CHCHD6: variants seen among roughly 807,000 people sequenced by gnomAD.
CHCHD6 encodes the protein coiled-coil-helix-coiled-coil-helix domain containing 6, also known as MICOS complex subunit MIC25.
Under a neutral mutation model 32.3 loss-of-function variants are expected in CHCHD6, and 28 were observed. That is an observed-to-expected ratio of 0.87 (90% CI 0.64 to 1.19). CHCHD6 has a LOEUF of 1.19. CHCHD6 is among the 50% of genes most tolerant of loss of function. The pLI is 0.00. For missense variants in CHCHD6, 333 were observed against 307.0 expected (o/e 1.08, Z -0.63); for synonymous variants, 122 against 117.5 (o/e 1.04, Z -0.25).
intron 4 of CHCHD6, among the ~76,000 whole-genome samples, chr3:126,733,511 C>T (rs1040945956): frequency 1.1e-4 from 16 of 152,216 alleles, no homozygotes; most frequent in African/African-American, 3.9e-4. Context: ...TCTCACTTAG[C>T]TCTGAAACTT....
In CHCHD6 at chr3:126,721,654, C is replaced by G. The variant is rs140014180; in HGVS notation, c.88-5424C>G. Reference sequence around the variant, plus strand: ...GATTTAATAGTTTTTAGTGTATTCACAGGTATGTGTGACCATTGCCACAAT... The same window carrying G: ...GATTTAATAGTTTTTAGTGTATTCAGAGGTATGTGTGACCATTGCCACAAT... On this transcript the variant is annotated intron_variant, in intron 1 of 7. Coordinates refer to ENST00000290913, the MANE Select transcript of CHCHD6 (RefSeq NM_032343.3). Among the ~76,000 whole-genome samples, 54 of 152,260 alleles carry G rather than the reference C, an allele frequency of 3.5e-4. No individual in the cohort carries two copies. In the East Asian group the frequency reaches 0.01, roughly 29 times the overall value.
chr3:126,733,598 A>G (rs1479348384), intron 4 of CHCHD6, among the ~76,000 whole-genome samples: 1 of 152,018 alleles, frequency 6.6e-6, no homozygotes, highest in Non-Finnish European at 1.5e-5. Context: ...GAGCCATGTA[A>G]TATATGACAG....
Position 126,787,260 on chromosome 3 carries a change from A to C in CHCHD6, c.411+54038A>C, listed in dbSNP as rs1436949415. 1.3e-5 allele frequency among the ~76,000 whole-genome samples: 2 copies of C among 152,222 alleles called. 1 individual carries two copies. Among genetic ancestry groups the C allele is most frequent in the South Asian group, 4.1e-4 (2 of 4,832 alleles). On this transcript the variant is annotated intron_variant, in intron 4 of 7. Transcript: ENST00000290913. ...GTATAGTTTGAAGTCAGGTAGCATG[A>C]TGCCTCCAGCTTTGTTCTTTTGGCT... is the stretch of plus-strand genomic sequence containing the variant.
intron 6 of CHCHD6, among the ~76,000 whole-genome samples, chr3:126,928,176 G>C (rs1007628523): frequency 6.6e-6 from 1 of 152,268 alleles, no homozygotes; most frequent in African/African-American, 2.4e-5. Flanking sequence ...GCAGAGGCTG[G>C]TGAGACCCAT....
chr3:126,776,071 T>C (rs543628837), intron 4 of CHCHD6, among the ~76,000 whole-genome samples: 3 of 152,188 alleles, frequency 2.0e-5, no homozygotes, highest in Non-Finnish European at 4.4e-5. Flanking sequence ...TACCATTCCC[T>C]TAGTAGGTGT....
At chr3:126,897,646 C>T (rs1277986727) in intron 5 of CHCHD6, among the ~76,000 whole-genome samples, 2 of 152,216 alleles carry the variant, frequency 1.3e-5, no homozygotes, top group Non-Finnish European at 2.9e-5. Context: ...CCTGTTTTCT[C>T]AGCTATAAAA....
chr3:126,937,699 C>A (rs1052449931), intron 6 of CHCHD6, among the ~76,000 whole-genome samples: 1 of 152,216 alleles, frequency 6.6e-6, no homozygotes, highest in Non-Finnish European at 1.5e-5. Flanking sequence ...AGTGGTCCCT[C>A]ATCAGAGCCT....
At chr3:126,786,246 G>C (rs1559842694) in intron 4 of CHCHD6, among the ~76,000 whole-genome samples, 1 of 152,170 alleles carries the variant, frequency 6.6e-6, no homozygotes, top group East Asian at 1.9e-4. Flanking sequence ...ATTTGAGTTG[G>C]TTCCAAGTCT....
chr3:126,881,674 G>A (rs998455232), intron 5 of CHCHD6, among the ~76,000 whole-genome samples: 1 of 152,196 alleles, frequency 6.6e-6, no homozygotes, highest in Admixed American at 6.5e-5. Context: ...CTTCTCGAAG[G>A]AGTCGGCTGG....
intron 1 of CHCHD6, among the ~76,000 whole-genome samples, chr3:126,723,834 A>G (rs1331240421): frequency 6.6e-6 from 1 of 152,086 alleles, no homozygotes; most frequent in Non-Finnish European, 1.5e-5. Context: ...GTTGCTGATC[A>G]TGTCTTTTGT....
At chr3:126,921,917 A>G (rs2078254940) in intron 6 of CHCHD6, among the ~76,000 whole-genome samples, 2 of 152,194 alleles carry the variant, frequency 1.3e-5, no homozygotes, top group South Asian at 4.2e-4. Context: ...CATTTATTTA[A>G]ACCCCAAAGA....
chr3:126,933,696 A>G (rs2107599667), intron 6 of CHCHD6, among the ~76,000 whole-genome samples: 1 of 152,320 alleles, frequency 6.6e-6, no homozygotes, highest in South Asian at 2.1e-4. Context: ...GACACCTCCC[A>G]CCAGACCCAC....
chr3:126,723,591 G>A (rs1044121861), intron 1 of CHCHD6, among the ~76,000 whole-genome samples: 3 of 152,144 alleles, frequency 2.0e-5, no homozygotes, highest in African/African-American at 7.2e-5. Flanking sequence ...TATATCTCAT[G>A]TGTTTTCCGT....
At chr3:126,733,973 G>A (rs1381537034) in intron 4 of CHCHD6, among the ~76,000 whole-genome samples, 2 of 152,130 alleles carry the variant, frequency 1.3e-5, no homozygotes, top group African/African-American at 2.4e-5. Context: ...GTGCATCCTA[G>A]GCAGGCTGTC....
chr3:126,881,181 C>G (rs2077604214), intron 5 of CHCHD6, among the ~76,000 whole-genome samples: 1 of 152,248 alleles, frequency 6.6e-6, no homozygotes, highest in Non-Finnish European at 1.5e-5. Context: ...CTCCAACTGT[C>G]CTCGTAGGCC....
chr3:126,733,060 C>T lies in CHCHD6; in HGVS notation c.267-18C>T. 11 of 1,612,712 alleles carry T rather than the reference C, an allele frequency of 6.8e-6. No individual in the cohort carries two copies. Among genetic ancestry groups the T allele is most frequent in the Non-Finnish European group, 9.3e-6 (11 of 1,178,838 alleles). ...CATGCCATCCACATCTGTTTCTCCT[C>T]ATGTTTCTTCTGCACAGGTATGAAC... On this transcript the variant is annotated intron_variant, in intron 3 of 7. Coordinates refer to ENST00000290913, the MANE Select transcript of CHCHD6 (RefSeq NM_032343.3).
chr3:126,709,016 A>G (rs548869163), intron 1 of CHCHD6, among the ~76,000 whole-genome samples: 2 of 152,338 alleles, frequency 1.3e-5, no homozygotes, highest in South Asian at 2.1e-4. Flanking sequence ...GTATTTGCAT[A>G]TATACTACAC....
At chr3:126,775,154 A>T (rs1408389760) in intron 4 of CHCHD6, among the ~76,000 whole-genome samples, 6 of 152,212 alleles carry the variant, frequency 3.9e-5, no homozygotes, top group Non-Finnish European at 8.8e-5. Context: ...CCTAAATTTC[A>T]AAGATTTGGT....
intron 6 of CHCHD6, among the ~76,000 whole-genome samples, chr3:126,937,660 C>T (rs1458337405): frequency 6.6e-6 from 1 of 152,186 alleles, no homozygotes; most frequent in African/African-American, 2.4e-5. Context: ...CACGGGCTTT[C>T]CTGTCTGCAT....
Sources: allele counts gnomAD v4.1 joint callset (sites outside exome capture counted in the v4.1 genomes callset), GRCh38; gene constraint gnomAD v4.1.1; transcripts MANE v1.5; gene names NCBI Gene and HGNC (gene_info 2026-07-23, HGNC 2026-07-21).